Variants in TNC observed in about 807,000 individuals in gnomAD.
TNC encodes tenascin.
A neutral mutation model predicts 202.4 loss-of-function variants in TNC; 109 were observed. The ratio of observed to expected loss-of-function variants is 0.54; its 90% CI spans 0.46 to 0.63. The LOEUF is 0.63. Ranked by LOEUF, TNC falls within the 30% of genes least tolerant of loss-of-function variation. The pLI, the probability that TNC is intolerant of heterozygous loss-of-function variation, is 0.00. For synonymous variants in TNC, 1,007 were observed against 1,089.7 expected (o/e 0.92, Z 1.50); for missense variants, 2,756 against 2,833.3 (o/e 0.97, Z 0.62).
intron 25 of TNC, 110 bp downstream of exon 25, chr9:115,029,250 T>C (rs902434821): frequency 1.2e-6 from 1 of 854,276 alleles, no homozygotes; most frequent in Non-Finnish European, 1.9e-6. Flanking sequence ...CCACCAGAAG[T>C]AGTTCTTCTT....
At chr9:115,036,314 A>T in intron 20 of TNC, 73 bp from the exon 21 acceptor site, 1 of 1,532,064 alleles carries the variant, frequency 6.5e-7, no homozygotes, top group Middle Eastern at 1.9e-4. Flanking sequence ...GGCAAACCAC[A>T]TACACACCTC....
At chr9:115,096,626 GA>G (rs79305524) in intron 1 of TNC, among the ~76,000 whole-genome samples, 56,455 of 151,974 alleles carry the variant, frequency 0.37, 11,844 homozygotes, top group East Asian at 0.61. Flanking sequence ...AGAGCCCGGG[GA>G]TTAGGGAGAA....
chr9:115,057,296 A>G lies in TNC; in HGVS notation c.4436T>C (p.Leu1479Pro), dbSNP rs769678944. 1.2e-6 allele frequency: 2 copies of G among 1,614,230 alleles called. No homozygotes were observed. The highest frequency in any genetic ancestry group is 8.5e-7 in the Non-Finnish European group (1 of 1,180,042). ...TIEIIDSNRL[L>P]ETVEYNISGA... The stretch of plus-strand genomic sequence containing the variant: ...AGAGATATTATATTCCACAGTCTCC[A>G]GCAACCTATTGGAATCAATAATTTC... The change falls in exon 15 of 28, where the codon CTG (leucine) becomes CCG (proline). Residue 1479 changes from leucine to proline, a missense_variant. By Grantham distance (98) the Leu-to-Pro change is moderately conservative. Around this residue, in one of 2 missense-constraint regions of TNC, gnomAD observed 2,559 missense variants for 2,546.0 expected, o/e 1.01. Coordinates refer to ENST00000350763, the MANE Select transcript of TNC (RefSeq NM_002160.4).
Position 115,030,260 on chromosome 9 carries a change from T to A in TNC, c.6066A>T (p.Gly2022=). The A allele has an allele frequency of 6.2e-7, 1 of 1,610,088 alleles. No homozygotes were observed. Among genetic ancestry groups the A allele is most frequent in the Non-Finnish European group, 8.5e-7 (1 of 1,176,868 alleles). The stretch of plus-strand genomic sequence containing the variant: ...AGTCCCTGGTGGTACTCACAATCCA[T>A]CCACCCCCATCAGAGGTCATGTCAC... ...VFCDMTSDGG[G]WIVFLRRKNG... Residue 2022 remains glycine (G), a synonymous_variant, in exon 24 of 28, where the codon GGA becomes GGT. Transcript: ENST00000350763.
At chr9:115,064,158 T>A in intron 11 of TNC, 90 bp from the exon 12 acceptor site, 1 of 1,327,244 alleles carries the variant, frequency 7.5e-7, no homozygotes, top group Non-Finnish European at 1.0e-6. Flanking sequence ...AATAATAATA[T>A]TACTGAAAAA....
Position 115,062,968 on chromosome 9 carries a change from C to A in TNC, c.3982G>T (p.Gly1328Cys), listed in dbSNP as rs1024520572. ...AGTPYTVTLHGEVRGHSTRPL... is the reference protein window; with the variant it reads ...AGTPYTVTLHCEVRGHSTRPL... ...CGAGTGCTGTGGCCCCTGACCTCGC[C>A]GTGCAGGGTGACTGTGTAAGGAGTG... The change falls in exon 13 of 28, where the codon GGC (glycine) becomes TGC (cysteine). Residue 1328 changes from glycine to cysteine, a missense_variant. Around this residue, in one of 2 missense-constraint regions of TNC, gnomAD observed 2,559 missense variants for 2,546.0 expected, o/e 1.01. Transcript: ENST00000350763. 1 of 1,614,038 alleles carries A rather than the reference C, an allele frequency of 6.2e-7. No homozygotes were observed. Among genetic ancestry groups the A allele is most frequent in the Non-Finnish European group, 8.5e-7 (1 of 1,179,976 alleles).
Position 115,057,274 on chromosome 9 carries a change from G to T in TNC, c.4458C>A (p.Ile1486=). The change falls in exon 15 of 28, where the codon ATC becomes ATA. Residue 1486 remains isoleucine (I), a synonymous_variant. Coordinates refer to ENST00000350763, the MANE Select transcript of TNC (RefSeq NM_002160.4). Reference sequence around the variant, plus strand: ...TATGGGCAGTTCGTTCAGCACCAGAGATATTATATTCCACAGTCTCCAGCA... The same window carrying T: ...TATGGGCAGTTCGTTCAGCACCAGATATATTATATTCCACAGTCTCCAGCA... ...NRLLETVEYN[I]SGAERTAHIS... is the part of the protein sequence containing the mutation. 2 of 1,614,148 alleles carry T rather than the reference G, an allele frequency of 1.2e-6. No homozygotes were observed. The highest frequency in any genetic ancestry group is 1.7e-6 in the Non-Finnish European group (2 of 1,180,026).
At chr9:115,111,446 T>G (rs1180843167) in intron 1 of TNC, among the ~76,000 whole-genome samples, 1 of 142,752 alleles carries the variant, frequency 7.0e-6, no homozygotes, top group Non-Finnish European at 1.5e-5. Flanking sequence ...CTCGCTCTTG[T>G]TGCACAGGCT....
At chr9:115,098,381 C>T (rs1345515989) in intron 1 of TNC, among the ~76,000 whole-genome samples, 1 of 152,162 alleles carries the variant, frequency 6.6e-6, no homozygotes, top group Non-Finnish European at 1.5e-5. Flanking sequence ...ACTAGTAGAG[C>T]TGTTTGGTAG....
At chr9:115,043,167 T>C (rs897469719) in intron 17 of TNC, among the ~76,000 whole-genome samples, 3 of 152,132 alleles carry the variant, frequency 2.0e-5, no homozygotes, top group African/African-American at 7.2e-5. Flanking sequence ...CCCAGAGAAT[T>C]CAGGAAACAA....
chr9:115,082,598 T>C, intron 5 of TNC, 94 bp downstream of exon 5: 1 of 844,580 alleles, frequency 1.2e-6, no homozygotes, highest in Non-Finnish European at 1.9e-6. Flanking sequence ...CACCAAAAAC[T>C]AAGGAAAATT....
chr9:115,035,400 G>T, intron 21 of TNC, 66 bp from the exon 22 acceptor site: 2 of 1,534,512 alleles, frequency 1.3e-6, no homozygotes, highest in Non-Finnish European at 1.8e-6. Context: ...TTCGGGCTGG[G>T]TATCAAGAAG....
At chr9:115,045,541 A>ATTTTTTTTTTT in intron 17 of TNC, among the ~76,000 whole-genome samples, 1 of 110,116 alleles carries the variant, frequency 9.1e-6, no homozygotes. Context: ...TAAGTTTTTG[A>ATTTTTTTTTTT]TTTTTTTTTT....
Position 115,081,639 on chromosome 9 carries a change from G to A in TNC, c.2404+133C>T, listed in dbSNP as rs1403373188. ...CAAAGAATTGTTATTTTAAACCACTGTATCTGGATTTTTAAAAATGCAGCA... is the reference window on the plus strand; with the variant it reads ...CAAAGAATTGTTATTTTAAACCACTATATCTGGATTTTTAAAAATGCAGCA... On this transcript the variant is annotated intron_variant, in intron 6 of 27. Coordinates refer to ENST00000350763, the MANE Select transcript of TNC (RefSeq NM_002160.4). 3 of 1,039,710 alleles carry A rather than the reference G, an allele frequency of 2.9e-6. No homozygotes were observed. In the Admixed American group the frequency reaches 6.4e-5, roughly 22 times the overall value. 64.4% of individuals were successfully genotyped at this position (1,039,710 alleles called of 1,614,324 possible). A position where few individuals can be genotyped will look rare whatever the true frequency, so the allele number is the denominator to read the frequency against.
chr9:115,020,595 T>C lies in TNC; in HGVS notation c.*562A>G, dbSNP rs747649729. The C allele has an allele frequency of 2.9e-6, 1 of 347,446 alleles. No individual in the cohort carries two copies. Among genetic ancestry groups the C allele is most frequent in the South Asian group, 2.4e-5 (1 of 40,928 alleles). The allele number at this position is 347,446 out of a possible 1,614,324, so 21.5% of individuals were successfully genotyped here. A position where few individuals can be genotyped will look rare whatever the true frequency, so the allele number is the denominator to read the frequency against. On this transcript the variant is annotated 3_prime_UTR_variant, in exon 28 of 28. Transcript: ENST00000350763. ...CAATCAGGTACTGTCCAGAAATGTT[T>C]TGGAAAGAAAGATCTCTTGAAAAAT... is the stretch of plus-strand genomic sequence containing the variant.
At chr9:115,082,587 C>G in intron 5 of TNC, 105 bp downstream of exon 5, 1 of 738,878 alleles carries the variant, frequency 1.4e-6, no homozygotes, top group South Asian at 1.8e-5. Flanking sequence ...GCCTTGTCCT[C>G]CACCAAAAAC....
chr9:115,096,717 T>C lies in TNC; in HGVS notation c.-136-5563A>G, dbSNP rs561215802. The stretch of plus-strand genomic sequence containing the variant: ...CATTGTAGTTTCCATACCTTACATG[T>C]TTGAACATATCCAGGTACAAGTGAG... On this transcript the variant is annotated intron_variant, in intron 1 of 27. Coordinates refer to ENST00000350763, the MANE Select transcript of TNC (RefSeq NM_002160.4). 4.9e-4 allele frequency among the ~76,000 whole-genome samples: 75 copies of C among 152,296 alleles called. 1 individual carries two copies. In the South Asian group the frequency reaches 0.015, roughly 30 times the overall value.
chr9:115,058,424 A>G (rs2132476132), intron 14 of TNC, among the ~76,000 whole-genome samples: 1 of 152,362 alleles, frequency 6.6e-6, no homozygotes, highest in African/African-American at 2.4e-5. Context: ...ACACACACAC[A>G]TAAAAATACT....
chr9:115,100,514 C>T (rs1407823185), intron 1 of TNC, among the ~76,000 whole-genome samples: 1 of 152,166 alleles, frequency 6.6e-6, no homozygotes, highest in African/African-American at 2.4e-5. Flanking sequence ...GAGTCACTAG[C>T]TAATCAGTGG....
Sources: allele counts gnomAD v4.1 joint callset (sites outside exome capture counted in the v4.1 genomes callset), GRCh38; gene constraint gnomAD v4.1.1; regional missense constraint gnomAD v4.1.1; transcripts MANE v1.5; gene names NCBI Gene and HGNC (gene_info 2026-07-23, HGNC 2026-07-21).